Variants in LARP1 observed in about 807,000 individuals in gnomAD.
The protein encoded by LARP1 is la-related protein 1.
Under a neutral mutation model 122.7 loss-of-function variants are expected in LARP1, and 36 were observed. The ratio of observed to expected loss-of-function variants is 0.29; its 90% CI spans 0.22 to 0.39. The LOEUF (loss-of-function observed/expected upper bound fraction) is 0.39. Among genes scored for constraint, LARP1 ranks in the 10% least tolerant of loss-of-function variants. The pLI, the probability that LARP1 is intolerant of heterozygous loss-of-function variation, is 1.00. For missense variants in LARP1, 1,040 were observed against 1,403.6 expected (o/e 0.74, Z 4.14); for synonymous variants, 539 against 528.7 (o/e 1.02, Z -0.27).
At chr5:154,784,066 T>C (rs1756684226) in intron 1 of LARP1, among the ~76,000 whole-genome samples, 1 of 152,238 alleles carries the variant, frequency 6.6e-6, no homozygotes, top group Non-Finnish European at 1.5e-5. Context: ...TCTAGGACAC[T>C]AGCAATTTCT....
At chr5:154,795,942 TTTATATATTA>T (rs1449946194) in intron 8 of LARP1, among the ~76,000 whole-genome samples, 14 of 119,474 alleles carry the variant, frequency 1.2e-4, no homozygotes, top group Non-Finnish European at 1.6e-4. Context: ...ATATTATATA[TTTATATATTA>T]TATATATTTT....
intron 8 of LARP1, among the ~76,000 whole-genome samples, chr5:154,799,335 C>T (rs1758153304): frequency 6.6e-6 from 1 of 152,164 alleles, no homozygotes; most frequent in Non-Finnish European, 1.5e-5. Flanking sequence ...TGCAAGTGTT[C>T]TCTAGAGCAG....
rs1269324777 is a variant in LARP1, at chr5:154,811,045, CAG to C, written c.2844-199_2844-198del. Among the ~76,000 whole-genome samples the C allele has an allele frequency of 2.6e-5, 4 of 152,310 alleles. No individual in the cohort carries two copies. In the East Asian group the frequency reaches 7.7e-4, roughly 29 times the overall value. ...TAAACAAATGTCTGTGGCAGGGGGA[CAG>C]AGTTCCTTGACTGCAGGAAATCTCT... On this transcript the variant is annotated intron_variant, in intron 16 of 18. Coordinates refer to ENST00000518297, the MANE Select transcript of LARP1 (RefSeq NM_033551.3).
At position 154,719,911 on chromosome 5, in the gene LARP1, G is replaced by T. The variant is rs574064751; in HGVS notation, c.205+6781G>T. Among the ~76,000 whole-genome samples the T allele has an allele frequency of 6.3e-4, 95 of 151,476 alleles. 1 individual carries two copies. In the South Asian group the frequency reaches 0.011, roughly 17 times the overall value. Reference sequence around the variant, plus strand: ...CTATGGTAATTTTAAAGTAACACTGGCCGGGCATGGTGGCTTATGCCTATA... The same window carrying T: ...CTATGGTAATTTTAAAGTAACACTGTCCGGGCATGGTGGCTTATGCCTATA... On this transcript the variant is annotated intron_variant, in intron 1 of 18. Transcript: ENST00000336314.
chr5:154,688,111 G>A (rs181554833), intron 1 of LARP1, among the ~76,000 whole-genome samples: 123 of 152,192 alleles, frequency 8.1e-4, no homozygotes, highest in African/African-American at 2.6e-3. Flanking sequence ...TGATGCTTCG[G>A]GTCTGGGCCC....
At chr5:154,778,153 G>C (rs1026910602) in intron 1 of LARP1, among the ~76,000 whole-genome samples, 2 of 151,708 alleles carry the variant, frequency 1.3e-5, no homozygotes, top group African/African-American at 4.8e-5. Flanking sequence ...CCAGCTACTC[G>C]GGAGGCTGAG....
intron 1 of LARP1, among the ~76,000 whole-genome samples, chr5:154,701,708 G>A (rs1420723987): frequency 1.3e-5 from 2 of 149,134 alleles, no homozygotes; most frequent in Non-Finnish European, 3.0e-5. Flanking sequence ...TGCAACCTCC[G>A]CCTCCCAGGT....
At chr5:154,799,487 T>C (rs1758166261) in intron 8 of LARP1, 104 bp from the exon 9 acceptor site, 7 of 1,151,974 alleles carry the variant, frequency 6.1e-6, no homozygotes, top group Admixed American at 2.0e-5. Context: ...ACTGGTAGCA[T>C]TGGACTCATA....
At chr5:154,796,159 T>A (rs1228599621) in intron 8 of LARP1, among the ~76,000 whole-genome samples, 1 of 122,796 alleles carries the variant, frequency 8.1e-6, no homozygotes, top group African/African-American at 3.1e-5. Flanking sequence ...ATATATATAT[T>A]TTATGTATTT....
At position 154,733,925 on chromosome 5, in the gene LARP1, G is replaced by T. The variant is rs189764739; in HGVS notation, c.205+20795G>T. ...TAATAGTACCTAACTCAGCACTTTG[G>T]GAGGCGGAGGCGGGTGGATCACCTG... On this transcript the variant is annotated intron_variant, in intron 1 of 18. Transcript: ENST00000336314. 1.2e-4 allele frequency among the ~76,000 whole-genome samples: 18 copies of T among 152,136 alleles called. No homozygotes were observed. The East Asian group carries it at 3.5e-3, about 29-fold the overall frequency.
chr5:154,730,604 C>G (rs560240183), intron 1 of LARP1, among the ~76,000 whole-genome samples: 24 of 152,076 alleles, frequency 1.6e-4, no homozygotes, highest in Admixed American at 1.4e-3. Flanking sequence ...TCCCGAGTAG[C>G]TGGAATTACA....
rs1383049350 is a variant in LARP1 at position 154,803,597 on chromosome 5, C to T, written c.2291C>T (p.Ala764Val). 3.7e-6 allele frequency: 6 copies of T among 1,614,178 alleles called. No individual in the cohort carries two copies. Among genetic ancestry groups the T allele is most frequent in the Non-Finnish European group, 4.2e-6 (5 of 1,180,036 alleles). The change falls in exon 13 of 19, where the codon GCC (alanine) becomes GTC (valine). Residue 764 changes from alanine to valine, a missense_variant. Coordinates refer to ENST00000518297, the MANE Select transcript of LARP1 (RefSeq NM_033551.3). This position sits in a 1 kb window ranked among gnomAD's most constrained non-coding sequence, Gnocchi z 4.4. ...LFGAPEPSTI[A>V]RSLPTTVPES... ...GGTGCTCCTGAGCCCTCCACCATCGCCCGCTCTCTACCAACCACTGTCCCA... is the reference window on the plus strand; with the variant it reads ...GGTGCTCCTGAGCCCTCCACCATCGTCCGCTCTCTACCAACCACTGTCCCA...
intron 1 of LARP1, among the ~76,000 whole-genome samples, chr5:154,719,615 A>C (rs1755731718): frequency 6.6e-6 from 1 of 151,596 alleles, no homozygotes; most frequent in Non-Finnish European, 1.5e-5. Context: ...TAACTCCAGC[A>C]CTTTGGGAGG....
intron 8 of LARP1, among the ~76,000 whole-genome samples, 200 bp downstream of exon 8, chr5:154,795,519 T>G (rs933972269): frequency 1.3e-5 from 2 of 152,080 alleles, no homozygotes; most frequent in Non-Finnish European, 2.9e-5. Flanking sequence ...TGTCAGACAC[T>G]TAACAAAAGT....
At chr5:154,739,252 C>T (rs1416338612) in intron 1 of LARP1, among the ~76,000 whole-genome samples, 5 of 152,108 alleles carry the variant, frequency 3.3e-5, no homozygotes, top group Non-Finnish European at 7.4e-5. Flanking sequence ...GATCTCCTGA[C>T]CTCGTGATCC....
chr5:154,683,001 C>T (rs1395491379), exon 1 of LARP1, among the ~76,000 whole-genome samples: 3 of 152,330 alleles, frequency 2.0e-5, no homozygotes, highest in South Asian at 4.1e-4. Flanking sequence ...ATCGCTGCTG[C>T]GGCGCTGCCG....
Position 154,705,096 on chromosome 5 carries a change from C to T in LARP1, c.-180+22059C>T, listed in dbSNP as rs185570294. ...TTACGCCACTGCACTCCAGCCTGGG[C>T]GACAGATCAAGACTCCGTCTCAAAA... On this transcript the variant is annotated intron_variant, in intron 1 of 18. Transcript: ENST00000687700. Among the ~76,000 whole-genome samples the T allele has an allele frequency of 2.6e-3, 332 of 129,442 alleles. 10 individuals carry two copies. In the Admixed American group the frequency reaches 0.026, roughly 10 times the overall value. The allele number at this position is 129,442 out of a possible 152,430, so 84.9% of individuals were successfully genotyped here. A position where few individuals can be genotyped will look rare whatever the true frequency, so the allele number is the denominator to read the frequency against.
Position 154,802,274 on chromosome 5 carries a change from A to G in LARP1, c.1984A>G (p.Thr662Ala), listed in dbSNP as rs1405441944. The change falls in exon 11 of 19, where the codon ACA becomes GCA. Residue 662 changes from threonine to alanine, a missense_variant. Thr to Ala is a moderately conservative substitution (Grantham distance 58). This residue lies in a region of LARP1 where 362 missense variants were observed against 533.1 expected (regional missense o/e 0.68). Coordinates refer to ENST00000518297, the MANE Select transcript of LARP1 (RefSeq NM_033551.3). The surrounding 1 kb of genome is among the most constrained non-coding windows in gnomAD (Gnocchi z 5.1). ...YMRRHPGGDR[T>A]GNHTSRAKMS... ...GCGCCGGCACCCAGGGGGGGACCGC[A>G]CAGGCAACCACACCTCGCGTGCCAA... 1.2e-6 allele frequency: 2 copies of G among 1,614,084 alleles called. No individual in the cohort carries two copies. Among genetic ancestry groups the G allele is most frequent in the Non-Finnish European group, 1.7e-6 (2 of 1,180,052 alleles).
intron 1 of LARP1, among the ~76,000 whole-genome samples, chr5:154,774,358 C>G (rs78423275): frequency 0.021 from 3,242 of 152,248 alleles, 111 homozygotes; most frequent in African/African-American, 0.075. Context: ...AGCTATGGCA[C>G]CCAGCAGCCC....
Sources: gnomAD v4.1 joint callset for allele counts (sites outside exome capture counted in the v4.1 genomes callset) on GRCh38, gnomAD v4.1.1 for gene constraint, gnomAD v4.1.1 regional missense constraint, Gnocchi (gnomAD v3.1) non-coding constraint, MANE v1.5 for transcripts, NCBI Gene and HGNC (gene_info 2026-07-23, HGNC 2026-07-21) for gene names.